RCC1: variants seen among roughly 807,000 people sequenced by gnomAD.
The protein encoded by RCC1 is regulator of chromosome condensation.
Under a neutral mutation model 44.4 loss-of-function variants are expected in RCC1, and 11 were observed. The observed-to-expected ratio is 0.25, with a 90% CI of 0.16 to 0.41. The LOEUF is 0.41. Ranked by LOEUF, RCC1 falls within the 10% of genes least tolerant of loss-of-function variation. The pLI is 1.00. For synonymous variants in RCC1, 213 were observed against 216.5 expected (o/e 0.98, Z 0.14); for missense variants, 386 against 547.1 (o/e 0.71, Z 2.94).
intron 4 of RCC1, chr1:28,526,896 C>T (rs1054120162): frequency 1.3e-5 from 9 of 715,130 alleles, no homozygotes; most frequent in Admixed American, 6.8e-5. Flanking sequence ...GACTCCGTCT[C>T]GGAAAAAAAA....
At position 28,508,133 on chromosome 1, in the gene RCC1, G is replaced by C. The variant is rs1288363478; in HGVS notation, c.-256G>C. The C allele has an allele frequency of 4.5e-6, 2 of 445,138 alleles. No individual in the cohort carries two copies. Among genetic ancestry groups the C allele is most frequent in the Non-Finnish European group, 9.1e-6 (2 of 218,688 alleles). The allele number at this position is 445,138 out of a possible 1,614,324, so 27.6% of individuals were successfully genotyped here. ...ATTAATATCTTGTTTTGCAGGATTT[G>C]TTAAGGATTCCAAGTAACTCTTATT... On this transcript the variant is annotated 5_prime_UTR_variant, in exon 2 of 13. Coordinates refer to ENST00000683442, the MANE Select transcript of RCC1 (RefSeq NM_001381865.2).
At chr1:28,530,259 C>G (rs1664046017) in intron 5 of RCC1, among the ~76,000 whole-genome samples, 1 of 152,140 alleles carries the variant, frequency 6.6e-6, no homozygotes, top group African/African-American at 2.4e-5. Context: ...AGTCCTTGCT[C>G]TGCCACTTTC....
chr1:28,524,753 G>C (rs1267876439), intron 4 of RCC1, among the ~76,000 whole-genome samples: 1 of 152,000 alleles, frequency 6.6e-6, no homozygotes. Flanking sequence ...AGCTATCCAG[G>C]ATGGCTCAAG....
At chr1:28,515,438 T>C (rs1475338255) in intron 3 of RCC1, among the ~76,000 whole-genome samples, 1 of 146,998 alleles carries the variant, frequency 6.8e-6, no homozygotes, top group African/African-American at 2.6e-5. Context: ...CAACTGGGGC[T>C]GGGCGCAGTA....
At chr1:28,506,151 A>G in intron 1 of RCC1, 67 bp downstream of exon 1, 1 of 450,472 alleles carries the variant, frequency 2.2e-6, no homozygotes, top group Non-Finnish European at 4.4e-6. Context: ...AATGCTATAG[A>G]TCAGTAGCCG....
At chr1:28,514,386 C>G (rs1416905941) in intron 3 of RCC1, among the ~76,000 whole-genome samples, 1 of 148,640 alleles carries the variant, frequency 6.7e-6, no homozygotes, top group East Asian at 2.0e-4. Context: ...GGAGGTGGAG[C>G]TTGCAGTGAG....
intron 4 of RCC1, among the ~76,000 whole-genome samples, chr1:28,519,934 G>A (rs939214263): frequency 4.0e-5 from 6 of 150,202 alleles, no homozygotes; most frequent in Non-Finnish European, 7.4e-5. Context: ...GTATAGTGTC[G>A]TGCTCTCAGT....
chr1:28,534,973 G>A, intron 7 of RCC1, 77 bp from the exon 8 acceptor site: 1 of 1,109,340 alleles, frequency 9.0e-7, no homozygotes, highest in South Asian at 1.2e-5. Flanking sequence ...TCCCCATCTG[G>A]TGCCACTGCC....
chr1:28,507,219 T>C (rs1441494210), intron 1 of RCC1: 2 of 409,508 alleles, frequency 4.9e-6, no homozygotes, highest in Admixed American at 6.0e-5. Context: ...ATATGCATGT[T>C]ACCAGTCTAG....
Position 28,516,737 on chromosome 1 carries a change from G to C in RCC1, c.-140G>C, listed in dbSNP as rs533921063. 2.3e-6 allele frequency: 1 copy of C among 428,530 alleles called. No homozygotes were observed. Among genetic ancestry groups the C allele is most frequent in the African/African-American group, 2.1e-5 (1 of 48,404 alleles). The allele number at this position is 428,530 out of a possible 1,614,324, so 26.5% of individuals were successfully genotyped here. A position where few individuals can be genotyped will look rare whatever the true frequency, so the allele number is the denominator to read the frequency against. On this transcript the variant is annotated 5_prime_UTR_variant, in exon 4 of 13. Transcript: ENST00000683442. ...TTATTACATGAAGCTACATGAATGT[G>C]TAAGATCTTGGAGGAAGACAGCAGA... is the stretch of plus-strand genomic sequence containing the variant.
intron 4 of RCC1, among the ~76,000 whole-genome samples, chr1:28,529,351 T>C (rs1663946450): frequency 6.6e-6 from 1 of 151,474 alleles, no homozygotes; most frequent in Non-Finnish European, 1.5e-5. Flanking sequence ...GCCTGGCTAA[T>C]TTTTGTATTT....
intron 4 of RCC1, among the ~76,000 whole-genome samples, chr1:28,522,770 G>A (rs1241519729): frequency 2.6e-5 from 4 of 151,754 alleles, no homozygotes; most frequent in East Asian, 1.9e-4. Context: ...AGCCGTGTAC[G>A]TGCTGCTGCA....
chr1:28,537,756 G>C, intron 12 of RCC1, 76 bp from the exon 13 acceptor site: 1 of 1,457,662 alleles, frequency 6.9e-7, no homozygotes, highest in Non-Finnish European at 9.3e-7. Context: ...CCACGCCCAT[G>C]TCCCAGGTTT....
intron 9 of RCC1, 190 bp from the exon 10 acceptor site, chr1:28,535,681 G>A (rs41266193): frequency 0.043 from 33,211 of 771,836 alleles, 1,761 homozygotes; most frequent in African/African-American, 0.22. Flanking sequence ...AATGATACCC[G>A]TAATGACTGT....
rs1664574290 is a variant in RCC1, at chr1:28,536,677, C to T, written c.938-70C>T. The T allele has an allele frequency of 1.9e-6, 3 of 1,564,312 alleles. No homozygotes were observed. The highest frequency in any genetic ancestry group is 2.2e-5 in the East Asian group (1 of 44,500). On this transcript the variant is annotated intron_variant, in intron 11 of 12. Transcript: ENST00000683442. This position sits in a 1 kb window ranked among gnomAD's most constrained non-coding sequence, Gnocchi z 4.9. Reference sequence around the variant, plus strand: ...ACACTCCCATGGACAGGTGGACTCACCTAGCCTGCCACCCATTTTGCCTGT... The same window carrying T: ...ACACTCCCATGGACAGGTGGACTCATCTAGCCTGCCACCCATTTTGCCTGT...
chr1:28,506,623 G>A (rs1251584355), intron 1 of RCC1: 5 of 184,354 alleles, frequency 2.7e-5, no homozygotes, highest in African/African-American at 7.2e-5. Context: ...CCGACCCAGC[G>A]AGCCTCTGAA....
chr1:28,538,066 C>A lies in RCC1; in HGVS notation c.*59C>A. ...CAACCTCCCTCACAGAACAGGGAAGCAGTGACAGCTGCAGATGGCAGCGGG... is the reference window on the plus strand; with the variant it reads ...CAACCTCCCTCACAGAACAGGGAAGAAGTGACAGCTGCAGATGGCAGCGGG... On this transcript the variant is annotated 3_prime_UTR_variant, in exon 13 of 13. Coordinates refer to ENST00000683442, the MANE Select transcript of RCC1 (RefSeq NM_001381865.2). 6.6e-7 allele frequency: 1 copy of A among 1,526,608 alleles called. No homozygotes were observed. The highest frequency in any genetic ancestry group is 8.9e-7 in the Non-Finnish European group (1 of 1,122,948). 94.6% of individuals were successfully genotyped at this position (1,526,608 alleles called of 1,614,324 possible).
Position 28,536,683 on chromosome 1 carries a change from C to G in RCC1, c.938-64C>G. On this transcript the variant is annotated intron_variant, in intron 11 of 12. Transcript: ENST00000683442. The surrounding 1 kb of genome is among the most constrained non-coding windows in gnomAD (Gnocchi z 4.9). The stretch of plus-strand genomic sequence containing the variant: ...CCATGGACAGGTGGACTCACCTAGC[C>G]TGCCACCCATTTTGCCTGTAGCACG... 1 of 1,576,100 alleles carries G rather than the reference C, an allele frequency of 6.3e-7. No homozygotes were observed. Among genetic ancestry groups the G allele is most frequent in the Non-Finnish European group, 8.7e-7 (1 of 1,154,894 alleles).
chr1:28,536,166 C>T lies in RCC1; in HGVS notation c.818-96C>T. On this transcript the variant is annotated intron_variant, in intron 10 of 12. Transcript: ENST00000683442. The surrounding 1 kb of genome is among the most constrained non-coding windows in gnomAD (Gnocchi z 4.9). ...TTGTCATCTGTAAAGTGAGAATGTC[C>T]ATATCCTGATGGGAGGTGGCCTCAC... 1 of 1,559,258 alleles carries T rather than the reference C, an allele frequency of 6.4e-7. No homozygotes were observed. Among genetic ancestry groups the T allele is most frequent in the Non-Finnish European group, 8.7e-7 (1 of 1,150,472 alleles).
Sources: allele counts gnomAD v4.1 joint callset (sites outside exome capture counted in the v4.1 genomes callset), GRCh38; gene constraint gnomAD v4.1.1; non-coding constraint Gnocchi (gnomAD v3.1); transcripts MANE v1.5; gene names NCBI Gene and HGNC (gene_info 2026-07-23, HGNC 2026-07-21).